The following GALNT13 variants were observed in gnomAD, a reference collection of about 807,000 sequenced individuals.
GALNT13 encodes polypeptide N-acetylgalactosaminyltransferase 13, also known as UDP-GalNAc:polypeptide N-acetylgalactosaminyltransferase 13.
GALNT13 carries 28 observed loss-of-function variants against 64.2 expected under a neutral mutation model. That is an observed-to-expected ratio of 0.44 (90% CI 0.32 to 0.60). GALNT13 has a LOEUF of 0.60. Ranked by LOEUF, GALNT13 falls within the 20% of genes least tolerant of loss-of-function variation. The pLI is 0.05. For missense variants in GALNT13, 577 were observed against 669.8 expected (o/e 0.86, Z 1.53); for synonymous variants, 214 against 224.6 (o/e 0.95, Z 0.42).
At chr2:153,211,919 CT>C in the GALNT13 span, among the ~76,000 whole-genome samples, 2 of 152,294 alleles carry the variant, frequency 1.3e-5, no homozygotes, top group East Asian at 1.9e-4. Context: ...GACACAGTTA[CT>C]TGTAGCAGGT....
the GALNT13 span, among the ~76,000 whole-genome samples, chr2:153,095,167 A>C: frequency 6.6e-6 from 1 of 152,254 alleles, no homozygotes; most frequent in African/African-American, 2.4e-5. Flanking sequence ...TCCAGAATTT[A>C]CAAAGAACTC....
At chr2:154,060,871 G>C (rs535411578) in intron 3 of GALNT13, among the ~76,000 whole-genome samples, 8 of 152,064 alleles carry the variant, frequency 5.3e-5, no homozygotes, top group African/African-American at 1.9e-4. Context: ...CCTCCAGGGG[G>C]ACACAGCAAG....
At chr2:154,163,195 A>G (rs1159296866) in intron 4 of GALNT13, among the ~76,000 whole-genome samples, 1 of 127,838 alleles carries the variant, frequency 7.8e-6, no homozygotes, top group Non-Finnish European at 1.5e-5. Context: ...ATGTGTTCTC[A>G]TTGTTCAATT....
the GALNT13 span, among the ~76,000 whole-genome samples, chr2:153,674,191 G>GA: frequency 1.3e-5 from 2 of 152,000 alleles, no homozygotes; most frequent in Admixed American, 6.6e-5. Context: ...CACAGAATTG[G>GA]AAAAAAGTAG....
At chr2:153,337,014 G>A in the GALNT13 span, among the ~76,000 whole-genome samples, 5 of 152,036 alleles carry the variant, frequency 3.3e-5, no homozygotes, top group South Asian at 2.1e-4. Context: ...AAGAAGTGCC[G>A]TTTGCCTCCT....
At chr2:153,397,630 G>A in the GALNT13 span, among the ~76,000 whole-genome samples, 2 of 151,706 alleles carry the variant, frequency 1.3e-5, no homozygotes, top group South Asian at 4.2e-4. Context: ...CGGGAGGGAA[G>A]GAATGTCTAT....
chr2:153,395,772 G>A, the GALNT13 span, among the ~76,000 whole-genome samples: 2 of 152,076 alleles, frequency 1.3e-5, no homozygotes, highest in South Asian at 4.1e-4. Context: ...GAAGTCAAGG[G>A]ATTAACAAGA....
chr2:153,289,940 C>T, the GALNT13 span, among the ~76,000 whole-genome samples: 1 of 152,088 alleles, frequency 6.6e-6, no homozygotes, highest in Non-Finnish European at 1.5e-5. Context: ...GTAGGGTAGA[C>T]AATGGATCAA....
chr2:153,470,104 C>T, the GALNT13 span, among the ~76,000 whole-genome samples: 2 of 152,042 alleles, frequency 1.3e-5, no homozygotes, highest in African/African-American at 4.8e-5. Context: ...GACATAGATC[C>T]CCTTAACCAG....
the GALNT13 span, among the ~76,000 whole-genome samples, chr2:153,070,323 G>C: frequency 6.6e-6 from 1 of 152,128 alleles, no homozygotes; most frequent in Non-Finnish European, 1.5e-5. Context: ...GGGAGAGTGG[G>C]TGGGATGAAT....
intron 11 of GALNT13, among the ~76,000 whole-genome samples, chr2:154,415,686 A>G (rs2105409202): frequency 6.6e-6 from 1 of 152,304 alleles, no homozygotes; most frequent in South Asian, 2.1e-4. Context: ...AAATTTAGAG[A>G]GTAAACAAAT....
At chr2:154,151,179 C>T (rs1466878564) in intron 4 of GALNT13, among the ~76,000 whole-genome samples, 4 of 152,120 alleles carry the variant, frequency 2.6e-5, no homozygotes, top group Admixed American at 6.6e-5. Context: ...GCCTTCATTT[C>T]TTTATGTATC....
At chr2:154,035,456 T>A (rs1353615055) in intron 3 of GALNT13, among the ~76,000 whole-genome samples, 1 of 152,070 alleles carries the variant, frequency 6.6e-6, no homozygotes, top group Non-Finnish European at 1.5e-5. Context: ...AAGTTGTTTC[T>A]CCATCACAGA....
chr2:153,591,511 A>G, the GALNT13 span, among the ~76,000 whole-genome samples: 1 of 152,120 alleles, frequency 6.6e-6, no homozygotes, highest in South Asian at 2.1e-4. Flanking sequence ...TAAGCAAGAA[A>G]AAGTTGGAGG....
At chr2:153,313,324 A>G in the GALNT13 span, among the ~76,000 whole-genome samples, 4 of 152,238 alleles carry the variant, frequency 2.6e-5, no homozygotes, top group Non-Finnish European at 4.4e-5. Context: ...CAGCATGGAT[A>G]CAGAAAATGT....
the GALNT13 span, chr2:153,421,148 C>A: frequency 4.2e-6 from 1 of 238,472 alleles, no homozygotes; most frequent in Non-Finnish European, 8.9e-6. Context: ...CACTGGTGAC[C>A]TCTGCTATGC....
the GALNT13 span, among the ~76,000 whole-genome samples, chr2:153,812,277 TA>T: frequency 1.7e-4 from 26 of 152,352 alleles, no homozygotes; most frequent in African/African-American, 5.5e-4. Flanking sequence ...TGCTGTTTTT[TA>T]CTTTGTACAT....
Position 154,452,690 on chromosome 2 carries a change from G to T in GALNT13, c.*2139G>T, listed in dbSNP as rs937675992. On this transcript the variant is annotated 3_prime_UTR_variant, in exon 13 of 13. Coordinates refer to ENST00000392825, the MANE Select transcript of GALNT13 (RefSeq NM_052917.4). ...ACTACATGAGTTTCATGTTAGAAAA[G>T]AATTTTTAAACAATCTTCAGATGGC... 6.6e-6 allele frequency: 1 copy of T among 152,078 alleles called. No individual in the cohort carries two copies. Among genetic ancestry groups the T allele is most frequent in the Non-Finnish European group, 1.5e-5 (1 of 68,006 alleles). The allele number at this position is 152,078 out of a possible 1,614,324, so 9.4% of individuals were successfully genotyped here. A position where few individuals can be genotyped will look rare whatever the true frequency, so the allele number is the denominator to read the frequency against.
chr2:154,300,847 C>A (rs903733613), intron 8 of GALNT13, among the ~76,000 whole-genome samples: 1 of 152,090 alleles, frequency 6.6e-6, no homozygotes, highest in Admixed American at 6.6e-5. Context: ...ATTACTAAAT[C>A]TCCCCCCAGA....
Sources: gnomAD v4.1 joint callset for allele counts (sites outside exome capture counted in the v4.1 genomes callset) on GRCh38, gnomAD v4.1.1 for gene constraint, MANE v1.5 for transcripts, NCBI Gene and HGNC (gene_info 2026-07-23, HGNC 2026-07-21) for gene names.